The following COL24A1 variants were observed in gnomAD, a reference collection of about 807,000 sequenced individuals.
The protein encoded by COL24A1 is collagen type XXIV alpha 1 chain, also known as collagen alpha-1(XXIV) chain.
In COL24A1, 224 loss-of-function variants were observed where a neutral mutation model predicts 253.9. That is an observed-to-expected ratio of 0.88 (90% CI 0.79 to 0.99). The LOEUF is 0.99. Among genes scored for constraint, COL24A1 ranks in the 50% least tolerant of loss-of-function variants. The pLI is 0.00. For missense variants in COL24A1, 2,131 were observed against 2,068.5 expected (o/e 1.03, Z -0.59); for synonymous variants, 685 against 673.7 (o/e 1.02, Z -0.26).
At chr1:85,786,048 T>C (rs1030648863) in intron 48 of COL24A1, among the ~76,000 whole-genome samples, 2 of 152,218 alleles carry the variant, frequency 1.3e-5, no homozygotes, top group African/African-American at 4.8e-5. Context: ...AAGATTTCCC[T>C]GTTTTGGAGG....
chr1:86,072,694 C>T (rs564898000), intron 7 of COL24A1, among the ~76,000 whole-genome samples: 2 of 152,154 alleles, frequency 1.3e-5, no homozygotes, highest in Non-Finnish European at 1.5e-5. Context: ...GATTGGGAGA[C>T]ACCTCCCAGC....
At chr1:85,857,020 T>C (rs1678510022) in intron 37 of COL24A1, among the ~76,000 whole-genome samples, 1 of 152,118 alleles carries the variant, frequency 6.6e-6, no homozygotes, top group Non-Finnish European at 1.5e-5. Context: ...CTGTTTGTTT[T>C]GGCTCCAGGA....
chr1:85,769,482 C>A (rs1558051886), intron 53 of COL24A1, among the ~76,000 whole-genome samples: 1 of 151,884 alleles, frequency 6.6e-6, no homozygotes, highest in Admixed American at 6.6e-5. Context: ...GGTATTATGT[C>A]CAGGGTGGGA....
chr1:85,994,124 AT>A (rs1694549290), intron 19 of COL24A1, among the ~76,000 whole-genome samples: 2 of 151,970 alleles, frequency 1.3e-5, no homozygotes, highest in South Asian at 4.1e-4. Flanking sequence ...GCTTAAATGT[AT>A]CTTCTGAGTA....
intron 53 of COL24A1, 29 bp from the exon 54 acceptor site, chr1:85,761,595 C>G (rs2101105290): frequency 1.2e-6 from 2 of 1,612,608 alleles, no homozygotes; most frequent in Non-Finnish European, 1.7e-6. Context: ...AACACAAGAC[C>G]TATATATTAT....
At chr1:85,815,588 TAA>T (rs567623756) in intron 47 of COL24A1, among the ~76,000 whole-genome samples, 57 of 152,162 alleles carry the variant, frequency 3.7e-4, no homozygotes, top group Non-Finnish European at 6.8e-4. Flanking sequence ...TTATATTGGT[TAA>T]GTTATCATTT....
intron 39 of COL24A1, among the ~76,000 whole-genome samples, chr1:85,842,743 TAG>T (rs1194844922): frequency 6.6e-6 from 1 of 152,132 alleles, no homozygotes; most frequent in Non-Finnish European, 1.5e-5. Flanking sequence ...CACTGAATAT[TAG>T]AGAGTGCAAC....
intron 47 of COL24A1, among the ~76,000 whole-genome samples, chr1:85,801,344 C>A (rs1212519858): frequency 2.0e-5 from 3 of 152,180 alleles, no homozygotes; most frequent in African/African-American, 7.2e-5. Context: ...GTTCTCTTGA[C>A]CTCTGGCTTC....
chr1:85,955,983 A>G (rs1400345080), intron 24 of COL24A1, among the ~76,000 whole-genome samples: 1 of 152,316 alleles, frequency 6.6e-6, no homozygotes, highest in South Asian at 2.1e-4. Flanking sequence ...ACCCTTTTTC[A>G]CATCTCTTAA....
chr1:85,864,916 G>A (rs79843903), intron 37 of COL24A1, among the ~76,000 whole-genome samples: 6,571 of 152,166 alleles, frequency 0.043, 216 homozygotes, highest in Middle Eastern at 0.082. Context: ...ATAACAGACC[G>A]TAAGTCAGGC....
At chr1:85,758,064 T>A (rs1174530103) in intron 55 of COL24A1, among the ~76,000 whole-genome samples, 13 of 152,212 alleles carry the variant, frequency 8.5e-5, no homozygotes, top group African/African-American at 3.1e-4. Flanking sequence ...TTTGGGAGAA[T>A]GTAATCTTCA....
intron 24 of COL24A1, among the ~76,000 whole-genome samples, chr1:85,959,056 A>G (rs1387062572): frequency 6.6e-6 from 1 of 152,166 alleles, no homozygotes; most frequent in Non-Finnish European, 1.5e-5. Context: ...AAGATTGAAC[A>G]AAGTAAAAAT....
Position 85,869,765 on chromosome 1 carries a change from G to C in COL24A1, c.3139-930C>G, listed in dbSNP as rs1245005264. 3.3e-5 allele frequency among the ~76,000 whole-genome samples: 5 copies of C among 152,066 alleles called. 1 individual carries two copies. Among genetic ancestry groups the C allele is most frequent in the African/African-American group, 9.7e-5 (4 of 41,404 alleles). ...AACATGCCAAATTGTAAAGACCATCGATGCTAGGAAGAAACTGCATCAACT... is the reference window on the plus strand; with the variant it reads ...AACATGCCAAATTGTAAAGACCATCCATGCTAGGAAGAAACTGCATCAACT... On this transcript the variant is annotated intron_variant, in intron 35 of 59. Transcript: ENST00000370571.
intron 24 of COL24A1, among the ~76,000 whole-genome samples, chr1:85,949,440 T>C (rs1689684854): frequency 4.6e-5 from 7 of 152,154 alleles, no homozygotes; most frequent in Admixed American, 4.6e-4. Context: ...TTTGGATATA[T>C]ATACAGAGAT....
At chr1:85,755,899 C>A (rs1235531420) in intron 55 of COL24A1, among the ~76,000 whole-genome samples, 1 of 75,444 alleles carries the variant, frequency 1.3e-5, no homozygotes, top group African/African-American at 4.1e-5. Context: ...ATAAATTAGA[C>A]TATATCAGAA....
intron 37 of COL24A1, among the ~76,000 whole-genome samples, chr1:85,861,470 T>C (rs2102444069): frequency 1.3e-5 from 2 of 152,316 alleles, no homozygotes; most frequent in South Asian, 4.1e-4. Flanking sequence ...TGAAGTCCAA[T>C]TTATCTTAGA....
chr1:85,800,318 C>T (rs1327166829), intron 47 of COL24A1, among the ~76,000 whole-genome samples: 3 of 152,204 alleles, frequency 2.0e-5, no homozygotes, highest in Non-Finnish European at 4.4e-5. Flanking sequence ...TCCTGATTTT[C>T]TCACTGTCCA....
At chr1:85,759,600 A>C (rs1055022976) in intron 55 of COL24A1, among the ~76,000 whole-genome samples, 1 of 152,222 alleles carries the variant, frequency 6.6e-6, no homozygotes, top group African/African-American at 2.4e-5. Flanking sequence ...GAAAGGAGGA[A>C]AAGGGAGAAA....
intron 24 of COL24A1, among the ~76,000 whole-genome samples, chr1:85,953,777 A>G (rs1690163521): frequency 6.6e-6 from 1 of 152,204 alleles, no homozygotes; most frequent in South Asian, 2.1e-4. Context: ...GATTCTAAAT[A>G]TTAATGTCAC....
Sources: allele counts gnomAD v4.1 joint callset (sites outside exome capture counted in the v4.1 genomes callset), GRCh38; gene constraint gnomAD v4.1.1; transcripts MANE v1.5; gene names NCBI Gene and HGNC (gene_info 2026-07-23, HGNC 2026-07-21).